The following EML6 variants were observed in gnomAD, a reference collection of about 807,000 sequenced individuals.
The protein encoded by EML6 is EMAP like 6, also known as echinoderm microtubule-associated protein-like 6.
A neutral mutation model predicts 240.1 loss-of-function variants in EML6; 154 were observed. The observed-to-expected ratio is 0.64, with a 90% confidence interval of 0.56 to 0.73. EML6 has a LOEUF of 0.73. Ranked by LOEUF, EML6 falls within the 30% of genes least tolerant of loss-of-function variation. The pLI, the probability that EML6 is intolerant of heterozygous loss-of-function variation, is 0.00. For synonymous variants in EML6, 1,148 were observed against 899.0 expected (o/e 1.28, Z -4.95); for missense variants, 2,964 against 2,474.6 (o/e 1.20, Z -4.20).
At chr2:54,791,084 A>G (rs1044586374) in intron 2 of EML6, among the ~76,000 whole-genome samples, 5 of 152,164 alleles carry the variant, frequency 3.3e-5, no homozygotes, top group African/African-American at 1.2e-4. Context: ...TTGCATTATC[A>G]CCATTCAGCA....
At chr2:54,833,779 C>T (rs1437568610) in intron 7 of EML6, among the ~76,000 whole-genome samples, 1 of 152,152 alleles carries the variant, frequency 6.6e-6, no homozygotes, top group Non-Finnish European at 1.5e-5. Flanking sequence ...TCTGTAGCAA[C>T]AACAACACAA....
Position 54,850,076 on chromosome 2 carries a change from C to T in EML6, c.1302C>T (p.Val434=). The T allele has an allele frequency of 1.3e-6, 2 of 1,552,090 alleles. No homozygotes were observed. Among genetic ancestry groups the T allele is most frequent in the Non-Finnish European group, 1.7e-6 (2 of 1,147,062 alleles). ...GATCCAATGATGGCCCAGTAGATGT[C>T]TATGCTGTTGCCCAGAGGTATAAGA... is the stretch of plus-strand genomic sequence containing the variant. The part of the protein sequence containing the change: ...AVGSNDGPVD[V]YAVAQRYKKI... Residue 434 remains valine, a synonymous_variant, in exon 10 of 42, where the codon GTC becomes GTT. Transcript: ENST00000356458.
chr2:54,801,702 T>C (rs757717074), intron 2 of EML6, among the ~76,000 whole-genome samples: 4 of 107,850 alleles, frequency 3.7e-5, no homozygotes, highest in Non-Finnish European at 9.5e-5. Context: ...CATTTAATGA[T>C]TTTCTTCTGA....
intron 3 of EML6, 74 bp downstream of exon 3, chr2:54,813,465 G>A (rs1667950797): frequency 1.6e-6 from 2 of 1,265,386 alleles, no homozygotes; most frequent in Non-Finnish European, 2.2e-6. Flanking sequence ...GGAATAGCCA[G>A]TAGATTCAAA....
chr2:54,859,027 C>T (rs1670536261), intron 11 of EML6, among the ~76,000 whole-genome samples: 1 of 152,206 alleles, frequency 6.6e-6, no homozygotes, highest in Non-Finnish European at 1.5e-5. Flanking sequence ...ACAAATATCA[C>T]TTCAAGTAGC....
At chr2:54,870,332 A>T (rs539510482) in intron 15 of EML6, among the ~76,000 whole-genome samples, 3 of 150,028 alleles carry the variant, frequency 2.0e-5, no homozygotes, top group African/African-American at 4.8e-5. Flanking sequence ...ATTTTTTTTT[A>T]AAAGGGTTGC....
At position 54,785,406 on chromosome 2, in the gene EML6, C is replaced by T. The variant is rs564452971; in HGVS notation, c.198-27826C>T. Among the ~76,000 whole-genome samples, 3 of 152,184 alleles carry T rather than the reference C, an allele frequency of 2.0e-5. No homozygotes were observed. In the South Asian group the frequency reaches 6.2e-4, roughly 32 times the overall value. On this transcript the variant is annotated intron_variant, in intron 2 of 41. Transcript: ENST00000356458. ...GCCAGGCTGGTCTTGAACTCCGGAC[C>T]TCAAGTGATCCTCCCACCTCGGCCT...
chr2:54,903,019 G>T, intron 22 of EML6, 25 bp from the exon 23 acceptor site: 1 of 1,544,966 alleles, frequency 6.5e-7, no homozygotes, highest in South Asian at 1.2e-5. Flanking sequence ...TGGATAATAA[G>T]TGTTTTTTGT....
chr2:54,823,715 G>A (rs1668436833), intron 5 of EML6, among the ~76,000 whole-genome samples: 1 of 152,094 alleles, frequency 6.6e-6, no homozygotes, highest in Non-Finnish European at 1.5e-5. Flanking sequence ...CATCCATCCT[G>A]TACTCAGTGG....
intron 2 of EML6, among the ~76,000 whole-genome samples, chr2:54,741,052 G>C (rs1306368422): frequency 6.6e-6 from 1 of 152,124 alleles, no homozygotes; most frequent in Non-Finnish European, 1.5e-5. Context: ...AACGTGTTCA[G>C]TGCTTACTCT....
In EML6 at chr2:54,968,731, G is replaced by A; in HGVS notation, c.5815G>A (p.Asp1939Asn). The A allele has an allele frequency of 6.4e-7, 1 of 1,550,612 alleles. No homozygotes were observed. The highest frequency in any genetic ancestry group is 8.7e-7 in the Non-Finnish European group (1 of 1,145,878). The change falls in exon 41 of 42, where the codon GAC (aspartate) becomes AAC (asparagine). Residue 1939 changes from aspartate to asparagine, a missense_variant. Transcript: ENST00000356458. Reference protein sequence around the residue: ...HVTNIRFSYDDKYVVSTGGDD... With the variant: ...HVTNIRFSYDNKYVVSTGGDD... ...GACGAACATCCGTTTCTCTTATGAT[G>A]ACAAGTATGTGGTCAGCACTGGAGG...
intron 2 of EML6, among the ~76,000 whole-genome samples, chr2:54,776,550 G>C (rs1668610494): frequency 6.6e-6 from 1 of 151,946 alleles, no homozygotes; most frequent in African/African-American, 2.4e-5. Context: ...TCTTTCACTG[G>C]TTTTAATCAA....
chr2:54,738,641 C>T (rs1683502916), intron 2 of EML6, among the ~76,000 whole-genome samples: 2 of 152,306 alleles, frequency 1.3e-5, no homozygotes, highest in South Asian at 4.1e-4. Flanking sequence ...GCTTAAGGTA[C>T]TTTTAAAAGG....
At chr2:54,832,030 C>A (rs915721612) in intron 7 of EML6, among the ~76,000 whole-genome samples, 10 of 152,062 alleles carry the variant, frequency 6.6e-5, no homozygotes, top group African/African-American at 2.4e-4. Context: ...CTTGGAGCAC[C>A]CACCTAAAAT....
intron 2 of EML6, among the ~76,000 whole-genome samples, chr2:54,732,672 A>C (rs914043555): frequency 2.6e-5 from 4 of 152,258 alleles, no homozygotes; most frequent in Admixed American, 2.6e-4. Context: ...AATAATCATT[A>C]AAGAGGTTAA....
chr2:54,789,327 C>T (rs1405280874), intron 2 of EML6, among the ~76,000 whole-genome samples: 1 of 151,608 alleles, frequency 6.6e-6, no homozygotes, highest in Non-Finnish European at 1.5e-5. Context: ...TCCTGGCTAA[C>T]ACGGTGAAAC....
rs543359586 is a variant in EML6 at position 54,935,294 on chromosome 2, TA to T, written c.4004+6545del. Among the ~76,000 whole-genome samples the T allele has an allele frequency of 3.7e-3, 558 of 152,312 alleles. 3 individuals carry two copies. Among genetic ancestry groups the T allele is most frequent in the African/African-American group, 0.013 (537 of 41,554 alleles). On this transcript the variant is annotated intron_variant, in intron 28 of 41. Coordinates refer to ENST00000356458, the MANE Select transcript of EML6 (RefSeq NM_001039753.4). ...GGCGTCTGGGCTCTATGAGTACACA[TA>T]AGCTGGAGATTTGGAGAACACACAA... is the stretch of plus-strand genomic sequence containing the variant.
At chr2:54,894,061 A>C (rs1054961418) in intron 19 of EML6, among the ~76,000 whole-genome samples, 6 of 152,056 alleles carry the variant, frequency 3.9e-5, no homozygotes, top group Non-Finnish European at 8.8e-5. Flanking sequence ...TGGGGATTGA[A>C]TTTTCCTGGG....
chr2:54,768,150 T>C (rs991136069), intron 2 of EML6, among the ~76,000 whole-genome samples: 1 of 152,166 alleles, frequency 6.6e-6, no homozygotes, highest in African/African-American at 2.4e-5. Context: ...ATTATAGTTC[T>C]AAACAGATCA....
Sources: allele counts gnomAD v4.1 joint callset (sites outside exome capture counted in the v4.1 genomes callset), GRCh38; gene constraint gnomAD v4.1.1; transcripts MANE v1.5; gene names NCBI Gene and HGNC (gene_info 2026-07-23, HGNC 2026-07-21).